The following CNNM3 variants were observed in gnomAD, a reference collection of about 807,000 sequenced individuals.
The protein encoded by CNNM3 is cyclin and CBS domain divalent metal cation transport mediator 3.
CNNM3 carries 47 observed loss-of-function variants against 57.1 expected under a neutral mutation model. The observed-to-expected ratio is 0.82, with a 90% CI of 0.65 to 1.05. The LOEUF is 1.05. Ranked by LOEUF, CNNM3 falls within the 50% of genes least tolerant of loss-of-function variation. The pLI, the probability that CNNM3 is intolerant of heterozygous loss-of-function variation, is 0.00. For synonymous variants in CNNM3, 507 were observed against 478.2 expected (o/e 1.06, Z -0.79); for missense variants, 957 against 973.7 (o/e 0.98, Z 0.23).
At chr2:96,817,569 G>A in intron 1 of CNNM3, 67 bp downstream of exon 1, 1 of 1,480,600 alleles carries the variant, frequency 6.8e-7, no homozygotes, top group Non-Finnish European at 9.3e-7. Flanking sequence ...GGGGTGGAGA[G>A]TTATGGAAGC....
intron 7 of CNNM3, among the ~76,000 whole-genome samples, chr2:96,829,564 G>C (rs1451700164): frequency 1.3e-5 from 2 of 150,826 alleles, no homozygotes; most frequent in Non-Finnish European, 2.9e-5. Context: ...CCTTCCCAAA[G>C]TGCTGGGATT....
intron 7 of CNNM3, chr2:96,832,071 A>G (rs1294114152): frequency 1.0e-6 from 1 of 992,120 alleles, no homozygotes; most frequent in African/African-American, 1.7e-5. Flanking sequence ...CACGTAAGGT[A>G]AATATCTTCC....
chr2:96,836,926 T>G (rs2079697880), downstream of CNNM3: 1 of 151,956 alleles, frequency 6.6e-6, no homozygotes, highest in Non-Finnish European at 1.5e-5. Flanking sequence ...CTAAAGTTCT[T>G]TTTTTTTAAT....
chr2:96,825,962 C>T (rs546327993), intron 2 of CNNM3, among the ~76,000 whole-genome samples: 90 of 152,332 alleles, frequency 5.9e-4, no homozygotes, highest in Middle Eastern at 3.4e-3. Flanking sequence ...CGCCTGTTAG[C>T]ATGGTGGCTG....
Position 96,828,707 on chromosome 2 carries a change from GC to G in CNNM3, c.1920+9del. The G allele has an allele frequency of 6.2e-7, 1 of 1,614,114 alleles. No individual in the cohort carries two copies. The highest frequency in any genetic ancestry group is 1.1e-5 in the South Asian group (1 of 91,080). On this transcript the variant is annotated splice_region_variant and intron_variant, in intron 6 of 7. Transcript: ENST00000305510. Reference sequence around the variant, plus strand: ...TGATCTGCAGCTCATCAAGGTGACTGCCTGGGCTGCTTGTGGGTGCTGGCTT... The same window carrying G: ...TGATCTGCAGCTCATCAAGGTGACTGCTGGGCTGCTTGTGGGTGCTGGCTT...
At chr2:96,828,312 C>T in intron 5 of CNNM3, 117 bp downstream of exon 5, 2 of 934,444 alleles carry the variant, frequency 2.1e-6, no homozygotes, top group Non-Finnish European at 3.3e-6. Context: ...GAGCCCACCA[C>T]CCCACAAGGT....
intron 6 of CNNM3, 52 bp downstream of exon 6, chr2:96,828,752 CG>C: frequency 6.2e-7 from 1 of 1,608,602 alleles, no homozygotes; most frequent in Non-Finnish European, 8.5e-7. Flanking sequence ...TTTGTGTCAC[CG>C]GGGGCTAGAC....
chr2:96,818,334 C>T (rs1158121843), intron 1 of CNNM3, among the ~76,000 whole-genome samples: 1 of 151,486 alleles, frequency 6.6e-6, no homozygotes, highest in Non-Finnish European at 1.5e-5. Flanking sequence ...CCACTTGCCT[C>T]GCCCTCCCAA....
chr2:96,829,102 G>A lies in CNNM3; in HGVS notation c.2027G>A (p.Arg676Lys). The A allele has an allele frequency of 1.2e-6, 2 of 1,613,950 alleles. No individual in the cohort carries two copies. The highest frequency in any genetic ancestry group is 2.2e-5 in the East Asian group (1 of 44,876). The part of the protein sequence containing the change: ...DLQVIPGSQT[R>K]LLGEKTTTAA... ...CAGGTTATTCCAGGCAGCCAGACCA[G>A]GCTCCTTGGTGAGAAGACCACCACA... The change falls in exon 7 of 8, where the codon AGG becomes AAG. Residue 676 changes from arginine to lysine, a missense_variant. Physicochemically the swap from Arg to Lys is conservative, Grantham distance 26 (BLOSUM62 2). Transcript: ENST00000305510.
intron 1 of CNNM3, among the ~76,000 whole-genome samples, chr2:96,820,469 G>C (rs1393416246): frequency 1.3e-5 from 2 of 152,220 alleles, no homozygotes; most frequent in Non-Finnish European, 2.9e-5. Context: ...ATGGGAGGGA[G>C]GCAGAGAGCC....
intron 2 of CNNM3, 89 bp downstream of exon 2, chr2:96,825,290 G>A: frequency 6.7e-7 from 1 of 1,482,964 alleles, no homozygotes; most frequent in Non-Finnish European, 9.1e-7. Flanking sequence ...GGGCCTCTGT[G>A]CTGCTGGAAC....
chr2:96,829,149 G>C lies in CNNM3; in HGVS notation c.2059+15G>C. 22 of 1,613,260 alleles carry C rather than the reference G, an allele frequency of 1.4e-5. No homozygotes were observed. Among genetic ancestry groups the C allele is most frequent in the Non-Finnish European group, 1.9e-5 (22 of 1,179,670 alleles). On this transcript the variant is annotated intron_variant, in intron 7 of 7. Transcript: ENST00000305510. ...CACAGCGGCAGGTGAGTGCCAAGTG[G>C]TACATCGTGCATGGTGTCTGGACCT...
At chr2:96,817,679 A>G (rs1309394554) in intron 1 of CNNM3, among the ~76,000 whole-genome samples, 177 bp downstream of exon 1, 1 of 151,944 alleles carries the variant, frequency 6.6e-6, no homozygotes, top group African/African-American at 2.4e-5. Context: ...CTTTTGAAAT[A>G]CTTAAAGGCC....
intron 2 of CNNM3, among the ~76,000 whole-genome samples, chr2:96,825,698 C>T (rs546078211): frequency 1.3e-5 from 2 of 152,300 alleles, no homozygotes; most frequent in East Asian, 1.9e-4. Context: ...ATCGGGAGTT[C>T]GAGACCAGCC....
At chr2:96,823,984 G>A (rs887225762) in intron 1 of CNNM3, among the ~76,000 whole-genome samples, 12 of 152,188 alleles carry the variant, frequency 7.9e-5, no homozygotes, top group Admixed American at 5.2e-4. Context: ...TATTGATTAC[G>A]TATTGAAATG....
chr2:96,818,614 C>T lies in CNNM3; in HGVS notation c.1225+1112C>T, dbSNP rs1420873489. Among the ~76,000 whole-genome samples, 2 of 152,160 alleles carry T rather than the reference C, an allele frequency of 1.3e-5. 1 individual carries two copies. Among genetic ancestry groups the T allele is most frequent in the East Asian group, 3.9e-4 (2 of 5,190 alleles). On this transcript the variant is annotated intron_variant, in intron 1 of 7. Transcript: ENST00000305510. The stretch of plus-strand genomic sequence containing the variant: ...CCTTAACTCCACATTTTCATCCCTC[C>T]CTTCACTGTTTTAGCTGAGCAGTTC...
At chr2:96,836,073 C>T (rs561517332), downstream of CNNM3, among the ~76,000 whole-genome samples, 38 of 136,820 alleles carry the variant, frequency 2.8e-4, no homozygotes, top group African/African-American at 1.2e-3. Flanking sequence ...CTTTTTCACC[C>T]CTCCCCCTCC....
chr2:96,827,914 C>G lies in CNNM3; in HGVS notation c.1689+14C>G. On this transcript the variant is annotated intron_variant, in intron 4 of 7. Coordinates refer to ENST00000305510, the MANE Select transcript of CNNM3 (RefSeq NM_017623.5). ...CTCATCCTGCAGGTAGCTGTGGGTC[C>G]CAGGCCTGGAGTCCCTCCTGCTTCC... 2 of 1,607,656 alleles carry G rather than the reference C, an allele frequency of 1.2e-6. No homozygotes were observed. Among genetic ancestry groups the G allele is most frequent in the Non-Finnish European group, 1.7e-6 (2 of 1,175,404 alleles).
At chr2:96,821,905 G>A (rs933791297) in intron 1 of CNNM3, among the ~76,000 whole-genome samples, 2 of 151,946 alleles carry the variant, frequency 1.3e-5, no homozygotes, top group Non-Finnish European at 2.9e-5. Flanking sequence ...TCTACTGAAT[G>A]CATATTGCTT....
Sources: allele counts gnomAD v4.1 joint callset (sites outside exome capture counted in the v4.1 genomes callset), GRCh38; gene constraint gnomAD v4.1.1; transcripts MANE v1.5; gene names NCBI Gene and HGNC (gene_info 2026-07-23, HGNC 2026-07-21).